LRRTM4: variants seen among roughly 807,000 people sequenced by gnomAD.
The protein encoded by LRRTM4 is leucine-rich repeat transmembrane neuronal protein 4.
A neutral mutation model predicts 47.6 loss-of-function variants in LRRTM4; 25 were observed. The ratio of observed to expected loss-of-function variants is 0.53; its 90% CI spans 0.38 to 0.73. The LOEUF (loss-of-function observed/expected upper bound fraction) is 0.73, where lower values mean the gene tolerates loss of function less well. Ranked by LOEUF, LRRTM4 falls within the 30% of genes least tolerant of loss-of-function variation. The pLI is 0.00. For synonymous variants in LRRTM4, 311 were observed against 269.5 expected (o/e 1.15, Z -1.51); for missense variants, 638 against 713.4 (o/e 0.89, Z 1.20).
chr2:77,272,646 C>T (rs1447054618), intron 3 of LRRTM4, among the ~76,000 whole-genome samples: 1 of 152,104 alleles, frequency 6.6e-6, no homozygotes, highest in Non-Finnish European at 1.5e-5. Context: ...GAGATGGGGT[C>T]CAGTGGGATT....
intron 3 of LRRTM4, among the ~76,000 whole-genome samples, chr2:77,119,509 AG>A (rs1447726896): frequency 6.6e-6 from 1 of 151,844 alleles, no homozygotes; most frequent in African/African-American, 2.4e-5. Context: ...ATTTTCTCTT[AG>A]GCATAGCTAT....
chr2:77,292,311 T>C (rs1432559980), intron 3 of LRRTM4, among the ~76,000 whole-genome samples: 1 of 151,100 alleles, frequency 6.6e-6, no homozygotes, highest in Admixed American at 6.6e-5. Context: ...GATCTAGAAC[T>C]AGAAATACCA....
At chr2:77,013,158 A>G (rs1362621758) in intron 3 of LRRTM4, among the ~76,000 whole-genome samples, 1 of 150,240 alleles carries the variant, frequency 6.7e-6, no homozygotes, top group Non-Finnish European at 1.5e-5. Flanking sequence ...TCAATCACCC[A>G]GCTTTGGGCT....
At chr2:76,884,544 C>G (rs1404083761) in intron 3 of LRRTM4, among the ~76,000 whole-genome samples, 2 of 151,844 alleles carry the variant, frequency 1.3e-5, no homozygotes, top group African/African-American at 2.4e-5. Flanking sequence ...AATTGTTAGG[C>G]CAAAGAAATA....
chr2:76,986,975 T>C (rs992315788), intron 3 of LRRTM4, among the ~76,000 whole-genome samples: 1 of 151,968 alleles, frequency 6.6e-6, no homozygotes, highest in Non-Finnish European at 1.5e-5. Flanking sequence ...CATATTTATC[T>C]GACAGTCAGT....
intron 3 of LRRTM4, among the ~76,000 whole-genome samples, chr2:76,970,358 A>G (rs1676175380): frequency 6.6e-6 from 1 of 151,980 alleles, no homozygotes; most frequent in Non-Finnish European, 1.5e-5. Flanking sequence ...CCTGGCATCC[A>G]TGGCAACTAA....
intron 3 of LRRTM4, among the ~76,000 whole-genome samples, chr2:76,800,270 A>G (rs1055806662): frequency 3.3e-5 from 5 of 149,552 alleles, no homozygotes; most frequent in Non-Finnish European, 7.4e-5. Context: ...GATCAATGGA[A>G]CAGAACAGAG....
intron 3 of LRRTM4, among the ~76,000 whole-genome samples, chr2:77,189,757 G>A (rs77986358): frequency 0.066 from 9,218 of 139,638 alleles, 639 homozygotes; most frequent in African/African-American, 0.24. Context: ...TACTTTATAT[G>A]TATATATACA....
chr2:77,294,689 T>C (rs886824604), intron 3 of LRRTM4, among the ~76,000 whole-genome samples: 14 of 152,254 alleles, frequency 9.2e-5, no homozygotes, highest in Middle Eastern at 3.4e-3. Flanking sequence ...AGATTTATGT[T>C]CTTCTCAGAG....
At chr2:76,887,993 T>C (rs1673130841) in intron 3 of LRRTM4, among the ~76,000 whole-genome samples, 3 of 150,736 alleles carry the variant, frequency 2.0e-5, no homozygotes, top group African/African-American at 7.3e-5. Context: ...TATATACTCT[T>C]AATATCTGTA....
intron 3 of LRRTM4, among the ~76,000 whole-genome samples, chr2:77,432,145 C>G (rs916499539): frequency 6.6e-6 from 1 of 152,164 alleles, no homozygotes; most frequent in Non-Finnish European, 1.5e-5. Context: ...ACAGGGCAGA[C>G]AACATTATAT....
chr2:77,302,343 T>C (rs1677153052), intron 3 of LRRTM4, among the ~76,000 whole-genome samples: 1 of 152,232 alleles, frequency 6.6e-6, no homozygotes, highest in Non-Finnish European at 1.5e-5. Context: ...ACTTTTTATT[T>C]TAAAAATTAA....
chr2:76,800,761 A>G (rs1470145061), intron 3 of LRRTM4, among the ~76,000 whole-genome samples: 2 of 136,918 alleles, frequency 1.5e-5, no homozygotes, highest in Non-Finnish European at 3.1e-5. Flanking sequence ...TTACAAGAAA[A>G]AAACAAACAA....
chr2:76,836,557 T>A (rs6741504), intron 3 of LRRTM4, among the ~76,000 whole-genome samples: 12,809 of 150,986 alleles, frequency 0.085, 603 homozygotes, highest in Middle Eastern at 0.17. Context: ...AATAATAATA[T>A]TGATGATAAT....
intron 3 of LRRTM4, among the ~76,000 whole-genome samples, chr2:77,508,747 A>G (rs4853315): frequency 0.12 from 18,850 of 152,140 alleles, 1,558 homozygotes; most frequent in Non-Finnish European, 0.18. Context: ...AAGAGCTTAT[A>G]CTTAACCAAT....
intron 3 of LRRTM4, among the ~76,000 whole-genome samples, chr2:77,414,258 T>C (rs986461587): frequency 2.6e-5 from 4 of 152,130 alleles, no homozygotes; most frequent in Admixed American, 6.6e-5. Flanking sequence ...GTAGGCTCTA[T>C]ATTAAGAGCT....
chr2:77,359,337 C>T (rs1034293768), intron 3 of LRRTM4, among the ~76,000 whole-genome samples: 1 of 152,102 alleles, frequency 6.6e-6, no homozygotes, highest in Non-Finnish European at 1.5e-5. Context: ...TATAATCAAT[C>T]ATTTCCTCTC....
chr2:76,912,436 G>T (rs964073019), intron 3 of LRRTM4, among the ~76,000 whole-genome samples: 1 of 152,118 alleles, frequency 6.6e-6, no homozygotes, highest in Non-Finnish European at 1.5e-5. Flanking sequence ...GCTTGGATAA[G>T]TCTCATTATA....
At chr2:77,058,740 A>G (rs1679689193) in intron 3 of LRRTM4, among the ~76,000 whole-genome samples, 1 of 152,142 alleles carries the variant, frequency 6.6e-6, no homozygotes, top group African/African-American at 2.4e-5. Context: ...GATGTCAAAC[A>G]AAGCTAGAAT....
Sources: allele counts gnomAD v4.1 joint callset (sites outside exome capture counted in the v4.1 genomes callset), GRCh38; gene constraint gnomAD v4.1.1; transcripts MANE v1.5; gene names NCBI Gene and HGNC (gene_info 2026-07-23, HGNC 2026-07-21).